TFCP2: variants seen among roughly 807,000 people sequenced by gnomAD.
TFCP2 encodes transcription factor CP2.
In TFCP2, 33 loss-of-function variants were observed where a neutral mutation model predicts 73.4. The ratio of observed to expected loss-of-function variants is 0.45; its 90% CI spans 0.34 to 0.60. The LOEUF (loss-of-function observed/expected upper bound fraction) is 0.60. Among genes scored for constraint, TFCP2 ranks in the 20% least tolerant of loss-of-function variants. The pLI is 0.01. For missense variants in TFCP2, 352 were observed against 604.0 expected (o/e 0.58, Z 4.37); for synonymous variants, 193 against 211.6 (o/e 0.91, Z 0.76).
At chr12:51,159,628 A>G (rs1254934990) in intron 1 of TFCP2, among the ~76,000 whole-genome samples, 2 of 151,880 alleles carry the variant, frequency 1.3e-5, no homozygotes, top group Admixed American at 6.6e-5. Flanking sequence ...AGAAGCATCA[A>G]TTCCGACCGG....
At chr12:51,146,742 G>C (rs1186361916) in intron 1 of TFCP2, among the ~76,000 whole-genome samples, 1 of 152,118 alleles carries the variant, frequency 6.6e-6, no homozygotes, top group Non-Finnish European at 1.5e-5. Context: ...CACCTTAGGA[G>C]GCAGAAGTAG....
chr12:51,104,089 T>C (rs1940174462), intron 9 of TFCP2, 66 bp downstream of exon 9: 1 of 1,495,994 alleles, frequency 6.7e-7, no homozygotes. Context: ...GCATTTCTAC[T>C]GAATTGGACA....
intron 10 of TFCP2, among the ~76,000 whole-genome samples, chr12:51,102,587 G>A (rs1940137658): frequency 6.6e-6 from 1 of 152,016 alleles, no homozygotes; most frequent in Non-Finnish European, 1.5e-5. Flanking sequence ...TTAGTCGGGT[G>A]TGGTGGTGGG....
At chr12:51,109,414 T>C (rs990377786) in intron 5 of TFCP2, 141 bp from the exon 6 acceptor site, 34 of 766,296 alleles carry the variant, frequency 4.4e-5, no homozygotes, top group Non-Finnish European at 6.6e-5. Context: ...CTTTTTGATC[T>C]TGAAGAACTT....
chr12:51,103,266 G>A (rs940016574), intron 10 of TFCP2, among the ~76,000 whole-genome samples: 30 of 152,142 alleles, frequency 2.0e-4, no homozygotes, highest in African/African-American at 7.0e-4. Flanking sequence ...CTGGGTGACA[G>A]AGTGAGATTC....
intron 1 of TFCP2, among the ~76,000 whole-genome samples, chr12:51,150,800 A>C (rs1200021909): frequency 6.6e-6 from 1 of 152,236 alleles, no homozygotes; most frequent in Non-Finnish European, 1.5e-5. Flanking sequence ...TTTTAAGAAA[A>C]TGGAGATAGT....
In TFCP2 at chr12:51,099,668, AT is replaced by A; in HGVS notation, c.1262del (p.Asn421MetfsTer12). 6.2e-7 allele frequency: 1 copy of A among 1,614,172 alleles called. No individual in the cohort carries two copies. The stretch of plus-strand genomic sequence containing the variant: ...AGAACAACCTACCGAAGAAAGTACC[AT>A]TTGAGTCTCCATCCTCATGCTTCTG... ...QQQKHEDGDSNGTFFVYHAIY... is the reference protein window; with the variant it reads ...QQQKHEDGDSXGTFFVYHAIY... On this transcript the variant is annotated frameshift_variant, in exon 12 of 15. Coordinates refer to ENST00000257915, the MANE Select transcript of TFCP2 (RefSeq NM_005653.5). LOFTEE classifies it high-confidence loss of function.
intron 13 of TFCP2, among the ~76,000 whole-genome samples, chr12:51,096,455 C>A (rs1255080626): frequency 6.6e-6 from 1 of 152,176 alleles, no homozygotes; most frequent in Non-Finnish European, 1.5e-5. Context: ...CTCCCTTCTC[C>A]CAAGATAAAG....
At chr12:51,107,443 T>C (rs1940274775) in intron 6 of TFCP2, 97 bp from the exon 7 acceptor site, 3 of 946,934 alleles carry the variant, frequency 3.2e-6, no homozygotes, top group African/African-American at 3.3e-5. Context: ...GAAACAAAAT[T>C]GTATGTGCAG....
chr12:51,130,792 G>A (rs1260020214), intron 1 of TFCP2, among the ~76,000 whole-genome samples: 1 of 152,028 alleles, frequency 6.6e-6, no homozygotes, highest in African/African-American at 2.4e-5. Flanking sequence ...TTTAAGACCA[G>A]CCTGGCCAAC....
At position 51,123,320 on chromosome 12, in the gene TFCP2, G is replaced by A. The variant is rs958763546; in HGVS notation, c.123-4548C>T. ...CACCGCATTTCTTTTAGTCTGCTGC[G>A]GGAGCAAAAGTATCATCCAGTTCCA... On this transcript the variant is annotated intron_variant, in intron 1 of 14. Transcript: ENST00000257915. 1.1e-4 allele frequency among the ~76,000 whole-genome samples: 17 copies of A among 152,102 alleles called. No homozygotes were observed. The East Asian group carries it at 3.1e-3, about 28-fold the overall frequency.
rs1275339604 is a variant in TFCP2, at chr12:51,116,379, G to A, written c.393C>T (p.Tyr131=). 1.2e-6 allele frequency: 2 copies of A among 1,606,368 alleles called. No individual in the cohort carries two copies. The highest frequency in any genetic ancestry group is 1.7e-6 in the Non-Finnish European group (2 of 1,175,560). ...AGCCCTCTAGCTGCTGATGCTCAGT[G>A]TACTGAAGCCTTCTGTCATGGAACA... ...RVVFHDRRLQ[Y]TEHQQLEGWR... is the part of the protein sequence containing the mutation. Residue 131 remains tyrosine, a synonymous_variant, in exon 4 of 15, where the codon TAC becomes TAT. Coordinates refer to ENST00000257915, the MANE Select transcript of TFCP2 (RefSeq NM_005653.5).
intron 13 of TFCP2, 60 bp from the exon 14 acceptor site, chr12:51,096,100 G>C: frequency 7.1e-7 from 1 of 1,410,366 alleles, no homozygotes; most frequent in East Asian, 2.3e-5. Context: ...TTATATTCCT[G>C]TGTCCCTAAG....
intron 1 of TFCP2, among the ~76,000 whole-genome samples, chr12:51,157,162 T>A (rs1317413933): frequency 6.6e-6 from 1 of 151,994 alleles, no homozygotes; most frequent in African/African-American, 2.4e-5. Flanking sequence ...ATTACAGGCA[T>A]GTGCCACTAC....
At chr12:51,161,014 T>G (rs115471382) in intron 1 of TFCP2, among the ~76,000 whole-genome samples, 8,044 of 152,240 alleles carry the variant, frequency 0.053, 686 homozygotes, top group African/African-American at 0.18. Flanking sequence ...CACCCCCGAC[T>G]GAAGTTGCCT....
chr12:51,125,746 C>T (rs1009624932), intron 1 of TFCP2, among the ~76,000 whole-genome samples: 1 of 152,192 alleles, frequency 6.6e-6, no homozygotes, highest in African/African-American at 2.4e-5. Flanking sequence ...GCACTATATA[C>T]ACTATGATCA....
chr12:51,126,406 T>G (rs956677925), intron 1 of TFCP2, among the ~76,000 whole-genome samples: 1 of 152,146 alleles, frequency 6.6e-6, no homozygotes, highest in South Asian at 2.1e-4. Flanking sequence ...AGGAGTGATC[T>G]TTCTTGAATG....
rs1360034353 is a variant in TFCP2 at position 51,156,054 on chromosome 12, AAAAAAAAAAAAAAAAAAG to A, written c.122+16229_122+16246del. ...GAGACTCTTTTTGTCTCAAAAAAAA[AAAAAAAAAAAAAAAAAAG>A]AAAGAACTATTAGTCCATAGATTTC... On this transcript the variant is annotated intron_variant, in intron 1 of 14. Transcript: ENST00000257915. 2.8e-3 allele frequency among the ~76,000 whole-genome samples: 9 copies of A among 3,236 alleles called. No homozygotes were observed. The South Asian group carries it at 0.11, about 41-fold the overall frequency. The allele number at this position is 3,236 out of a possible 152,430, so 2.1% of individuals were successfully genotyped here.
chr12:51,143,329 G>A (rs185387188), intron 1 of TFCP2, among the ~76,000 whole-genome samples: 1 of 150,192 alleles, frequency 6.7e-6, no homozygotes, highest in African/African-American at 2.5e-5. Context: ...CCCTTTCTCA[G>A]CAAATGGCAA....
Sources: allele counts gnomAD v4.1 joint callset (sites outside exome capture counted in the v4.1 genomes callset), GRCh38; gene constraint gnomAD v4.1.1; transcripts MANE v1.5; gene names NCBI Gene and HGNC (gene_info 2026-07-23, HGNC 2026-07-21).